The following NVL variants were observed in gnomAD, a reference collection of about 807,000 sequenced individuals.
NVL encodes nuclear VCP like, also known as nuclear valosin-containing protein-like.
Under a neutral mutation model 110.2 loss-of-function variants are expected in NVL, and 84 were observed. The observed-to-expected ratio is 0.76, with a 90% confidence interval of 0.64 to 0.91. NVL has a LOEUF of 0.91. NVL is among the 40% of genes least tolerant of loss of function. NVL has a pLI of 0.00. For synonymous variants in NVL, 354 were observed against 361.1 expected (o/e 0.98, Z 0.22); for missense variants, 882 against 1,035.9 (o/e 0.85, Z 2.04).
chr1:224,301,089 A>G (rs940204205), intron 9 of NVL, among the ~76,000 whole-genome samples: 25 of 148,888 alleles, frequency 1.7e-4, no homozygotes, highest in Non-Finnish European at 3.3e-4. Flanking sequence ...CTGGGCAACA[A>G]GAGCAAAACT....
intron 18 of NVL, among the ~76,000 whole-genome samples, chr1:224,266,743 G>T (rs1399968205): frequency 1.3e-5 from 2 of 152,174 alleles, no homozygotes; most frequent in Non-Finnish European, 2.9e-5. Context: ...GGATGACTCT[G>T]TGATTTTATG....
At chr1:224,316,880 G>A (rs1253929383) in intron 4 of NVL, among the ~76,000 whole-genome samples, 3 of 152,076 alleles carry the variant, frequency 2.0e-5, no homozygotes, top group Non-Finnish European at 4.4e-5. Flanking sequence ...GCTCACGCCT[G>A]TAATCCCAGC....
chr1:224,291,790 G>A (rs563721815), intron 12 of NVL, among the ~76,000 whole-genome samples: 3 of 152,254 alleles, frequency 2.0e-5, no homozygotes, highest in South Asian at 4.1e-4. Flanking sequence ...GGGACTATCC[G>A]TACTAAGAAC....
intron 2 of NVL, among the ~76,000 whole-genome samples, chr1:224,319,015 T>G (rs1670370887): frequency 1.4e-5 from 2 of 140,356 alleles, no homozygotes; most frequent in African/African-American, 5.4e-5. Flanking sequence ...ATCAGCTGGG[T>G]GTGGTGGTGC....
chr1:224,234,938 C>A (rs1186250293), intron 20 of NVL, among the ~76,000 whole-genome samples: 1 of 152,104 alleles, frequency 6.6e-6, no homozygotes, highest in Non-Finnish European at 1.5e-5. Flanking sequence ...CACCGAAAAT[C>A]TTTTCAGATT....
chr1:224,249,661 C>A (rs976627849), intron 19 of NVL, among the ~76,000 whole-genome samples: 1 of 152,092 alleles, frequency 6.6e-6, no homozygotes, highest in Non-Finnish European at 1.5e-5. Context: ...AGGAGAATGG[C>A]GTGAACCTGG....
At chr1:224,274,080 A>G (rs969777056) in intron 17 of NVL, among the ~76,000 whole-genome samples, 6 of 138,290 alleles carry the variant, frequency 4.3e-5, no homozygotes, top group African/African-American at 5.1e-5. Flanking sequence ...AATAAATCAC[A>G]AAAGATTTCC....
chr1:224,283,822 T>C (rs991286052), intron 15 of NVL, among the ~76,000 whole-genome samples: 1 of 152,318 alleles, frequency 6.6e-6, no homozygotes, highest in Middle Eastern at 3.4e-3. Context: ...TGTTGTTCTC[T>C]TCTACCTCCA....
At chr1:224,265,347 T>C (rs1423834595) in intron 18 of NVL, among the ~76,000 whole-genome samples, 1 of 151,384 alleles carries the variant, frequency 6.6e-6, no homozygotes, top group Non-Finnish European at 1.5e-5. Flanking sequence ...CTACTAAAAA[T>C]ACAAAAATTA....
intron 22 of NVL, among the ~76,000 whole-genome samples, chr1:224,229,232 G>A (rs1659584434): frequency 6.6e-6 from 1 of 151,758 alleles, no homozygotes; most frequent in Non-Finnish European, 1.5e-5. Context: ...GGAGGCAGAG[G>A]TTGTGGTGAG....
At chr1:224,282,135 CACTCACT>C (rs1666421540) in intron 15 of NVL, among the ~76,000 whole-genome samples, 1 of 150,838 alleles carries the variant, frequency 6.6e-6, no homozygotes, top group Admixed American at 6.6e-5. Flanking sequence ...ATGAGATCAC[CACTCACT>C]GCAGTCTTGA....
intron 19 of NVL, among the ~76,000 whole-genome samples, chr1:224,238,051 T>C (rs1309015958): frequency 6.6e-6 from 1 of 151,974 alleles, no homozygotes; most frequent in Non-Finnish European, 1.5e-5. Context: ...TTTTTTTTCT[T>C]TGAGACAGGG....
rs112404491 is a variant in NVL, at chr1:224,278,680, G to A, written c.1962+2443C>T. ...GAAAATATCAGACACCAACACTGCT[G>A]TTGAGAATGTGGGACAATCTGATAC... On this transcript the variant is annotated intron_variant, in intron 16 of 22. Coordinates refer to ENST00000281701, the MANE Select transcript of NVL (RefSeq NM_002533.4). Among the ~76,000 whole-genome samples the A allele has an allele frequency of 1.7e-3, 254 of 152,228 alleles. 1 individual carries two copies. The highest frequency in any genetic ancestry group is 6.0e-3 in the African/African-American group (248 of 41,546).
chr1:224,287,414 G>C (rs1369514272), intron 14 of NVL, among the ~76,000 whole-genome samples: 4 of 152,064 alleles, frequency 2.6e-5, no homozygotes, highest in African/African-American at 9.7e-5. Context: ...TTTCAAAACA[G>C]CTAGAAGAAA....
At chr1:224,275,932 T>C (rs1665715148) in intron 16 of NVL, among the ~76,000 whole-genome samples, 1 of 152,206 alleles carries the variant, frequency 6.6e-6, no homozygotes, top group Non-Finnish European at 1.5e-5. Context: ...TCATACAGCA[T>C]CAGAGGAGGC....
chr1:224,248,915 T>C (rs1662153505), intron 19 of NVL, among the ~76,000 whole-genome samples: 2 of 152,182 alleles, frequency 1.3e-5, no homozygotes, highest in Admixed American at 1.3e-4. Context: ...TACAATCCCA[T>C]GGGAGTGGGA....
At chr1:224,301,055 G>A (rs887666329) in intron 9 of NVL, among the ~76,000 whole-genome samples, 3 of 150,952 alleles carry the variant, frequency 2.0e-5, no homozygotes, top group African/African-American at 4.9e-5. Context: ...GTAGTGAGCC[G>A]AGATCGCGCC....
At chr1:224,252,931 T>C (rs940345469) in intron 18 of NVL, among the ~76,000 whole-genome samples, 1 of 152,234 alleles carries the variant, frequency 6.6e-6, no homozygotes, top group Admixed American at 6.5e-5. Context: ...TTTTCTAAAG[T>C]TTTATGTAAG....
intron 19 of NVL, among the ~76,000 whole-genome samples, chr1:224,237,326 C>A (rs1660598216): frequency 6.6e-6 from 1 of 152,172 alleles, no homozygotes. Flanking sequence ...AAGCACAAAG[C>A]ACTCTAAGCT....
Sources: gnomAD v4.1 joint callset for allele counts (sites outside exome capture counted in the v4.1 genomes callset) on GRCh38, gnomAD v4.1.1 for gene constraint, MANE v1.5 for transcripts, NCBI Gene and HGNC (gene_info 2026-07-23, HGNC 2026-07-21) for gene names.